Variants in C1QB observed in about 807,000 individuals in gnomAD.
C1QB encodes complement C1q B chain.
Under a neutral mutation model 4.6 loss-of-function variants are expected in C1QB, and 2 were observed. That is an observed-to-expected ratio of 0.43 (90% CI 0.18 to 1.36). The LOEUF is 1.36. Among genes scored for constraint, C1QB ranks in the 40% most tolerant of loss-of-function variants. The pLI is 0.28. For synonymous variants in C1QB, 132 were observed against 137.1 expected (o/e 0.96, Z 0.26); for missense variants, 292 against 338.0 (o/e 0.86, Z 1.07).
At chr1:22,657,559 C>T (rs1183468484) in intron 1 of C1QB, among the ~76,000 whole-genome samples, 1 of 151,980 alleles carries the variant, frequency 6.6e-6, no homozygotes. Flanking sequence ...GGACAGAAAG[C>T]AGATTCATGG....
chr1:22,660,481 G>A (rs116703223), intron 2 of C1QB, among the ~76,000 whole-genome samples: 1,922 of 152,226 alleles, frequency 0.013, 47 homozygotes, highest in African/African-American at 0.043. Context: ...TCTGCCAGGG[G>A]TGAGGGATAG....
At chr1:22,655,864 G>T (rs763892320) in intron 1 of C1QB, among the ~76,000 whole-genome samples, 1 of 152,192 alleles carries the variant, frequency 6.6e-6, no homozygotes, top group African/African-American at 2.4e-5. Context: ...CTGAGGAAAG[G>T]TTTCCTGGAG....
At position 22,661,358 on chromosome 1, in the gene C1QB, T is replaced by C; in HGVS notation, c.728T>C (p.Phe243Ser). 1.9e-6 allele frequency: 3 copies of C among 1,613,924 alleles called. No individual in the cohort carries two copies. The highest frequency in any genetic ancestry group is 2.5e-6 in the Non-Finnish European group (3 of 1,179,986). The change falls in exon 3 of 3, where the codon TTC (phenylalanine) becomes TCC (serine). Residue 243 changes from phenylalanine (F) to serine (S), a missense_variant. Phe to Ser is a radical substitution (Grantham distance 155, BLOSUM62 -2). Coordinates refer to ENST00000509305, the MANE Select transcript of C1QB (RefSeq NM_001378156.1). ...MEGANSIFSG[F>S]LLFPDMEA is the part of the protein sequence containing the mutation. ...GGTGCCAACAGCATCTTTTCCGGGT[T>C]CCTGCTCTTTCCAGATATGGAGGCC...
intron 2 of C1QB, 89 bp downstream of exon 2, chr1:22,659,732 G>A: frequency 6.9e-7 from 1 of 1,454,732 alleles, no homozygotes; most frequent in Non-Finnish European, 9.4e-7. Flanking sequence ...CTTTGAGACT[G>A]CAAAAGCACT....
At chr1:22,660,638 G>A (rs371524365) in intron 2 of C1QB, among the ~76,000 whole-genome samples, 174 bp from the exon 3 acceptor site, 2 of 152,168 alleles carry the variant, frequency 1.3e-5, no homozygotes, top group East Asian at 3.9e-4. Context: ...GCATATCACA[G>A]ACTCAGGAAG....
chr1:22,659,790 G>A, intron 2 of C1QB, 147 bp downstream of exon 2: 1 of 970,908 alleles, frequency 1.0e-6, no homozygotes, highest in Non-Finnish European at 1.6e-6. Flanking sequence ...TTGCAAGGAG[G>A]GAATTCTGAT....
intron 1 of C1QB, among the ~76,000 whole-genome samples, chr1:22,658,933 A>AGATGGATG (rs146876412): frequency 2.1e-4 from 21 of 100,802 alleles, no homozygotes; most frequent in African/African-American, 6.2e-4. Context: ...AGGGGTAGAG[A>AGATGGATG]GATGGATGGA....
chr1:22,657,150 C>T (rs1289058601), intron 1 of C1QB, among the ~76,000 whole-genome samples: 4 of 152,110 alleles, frequency 2.6e-5, no homozygotes, highest in African/African-American at 9.7e-5. Flanking sequence ...CAGCCCCACT[C>T]CCCTCCCCAG....
At chr1:22,657,842 T>C (rs1001744505) in intron 1 of C1QB, among the ~76,000 whole-genome samples, 2 of 152,240 alleles carry the variant, frequency 1.3e-5, no homozygotes, top group African/African-American at 4.8e-5. Context: ...ACACTGGCCA[T>C]GCTGACCAGT....
At chr1:22,660,731 C>T in intron 2 of C1QB, 81 bp from the exon 3 acceptor site, 4 of 1,394,912 alleles carry the variant, frequency 2.9e-6, no homozygotes, top group Non-Finnish European at 4.1e-6. Flanking sequence ...CAGAGAGAGG[C>T]AGGGCCCTGC....
chr1:22,657,669 A>G (rs952961747), intron 1 of C1QB, among the ~76,000 whole-genome samples: 1 of 152,218 alleles, frequency 6.6e-6, no homozygotes, highest in Non-Finnish European at 1.5e-5. Context: ...GATGGAAGTG[A>G]GGGTTGCACA....
intron 1 of C1QB, among the ~76,000 whole-genome samples, chr1:22,658,741 C>A (rs192445708): frequency 2.7e-5 from 4 of 147,314 alleles, no homozygotes; most frequent in Non-Finnish European, 6.0e-5. Context: ...GATGGATGAA[C>A]GGATGGATGG....
chr1:22,658,101 C>G (rs1284691789), intron 1 of C1QB, among the ~76,000 whole-genome samples: 1 of 152,066 alleles, frequency 6.6e-6, no homozygotes, highest in Non-Finnish European at 1.5e-5. Context: ...CAAGGTGGCC[C>G]GTTCATAAGC....
intron 1 of C1QB, 22 bp from the exon 2 acceptor site, chr1:22,659,418 T>C (rs1642586428): frequency 6.2e-7 from 1 of 1,609,958 alleles, no homozygotes; most frequent in South Asian, 1.1e-5. Flanking sequence ...GGTGGTAACC[T>C]CTCACATTGT....
chr1:22,660,351 G>A (rs765205214), intron 2 of C1QB, among the ~76,000 whole-genome samples: 1 of 152,070 alleles, frequency 6.6e-6, no homozygotes, highest in Non-Finnish European at 1.5e-5. Flanking sequence ...CTGGAAAATC[G>A]GTCTTATCTT....
chr1:22,655,157 A>G (rs1642513283), intron 1 of C1QB, among the ~76,000 whole-genome samples: 1 of 152,222 alleles, frequency 6.6e-6, no homozygotes, highest in African/African-American at 2.4e-5. Flanking sequence ...AGCCTGGCCT[A>G]TACGTACCCA....
chr1:22,656,906 A>C (rs1642538528), intron 1 of C1QB, among the ~76,000 whole-genome samples: 1 of 152,166 alleles, frequency 6.6e-6, no homozygotes, highest in South Asian at 2.1e-4. Flanking sequence ...CACGTTTACA[A>C]GTTTATTATA....
chr1:22,656,349 G>T (rs756551195), intron 1 of C1QB, among the ~76,000 whole-genome samples: 1 of 152,126 alleles, frequency 6.6e-6, no homozygotes, highest in Non-Finnish European at 1.5e-5. Flanking sequence ...CCAAAAGGTG[G>T]AAACTTCCCA....
intron 1 of C1QB, among the ~76,000 whole-genome samples, chr1:22,658,742 G>A (rs1002952705): frequency 3.9e-5 from 6 of 152,000 alleles, no homozygotes; most frequent in Non-Finnish European, 8.8e-5. Context: ...ATGGATGAAC[G>A]GATGGATGGA....
Sources: allele counts gnomAD v4.1 joint callset (sites outside exome capture counted in the v4.1 genomes callset), GRCh38; gene constraint gnomAD v4.1.1; transcripts MANE v1.5; gene names NCBI Gene and HGNC (gene_info 2026-07-23, HGNC 2026-07-21).